Variants in MASP1 observed in about 807,000 individuals in gnomAD.
MASP1 encodes MBL associated serine protease 1, also known as mannan-binding lectin serine protease 1.
In MASP1, 59 loss-of-function variants were observed where a neutral mutation model predicts 77.1. The observed-to-expected ratio is 0.77, with a 90% confidence interval of 0.62 to 0.95. The LOEUF (loss-of-function observed/expected upper bound fraction) is 0.95. Among genes scored for constraint, MASP1 ranks in the 40% least tolerant of loss-of-function variants. MASP1 has a pLI of 0.00. For synonymous variants in MASP1, 362 were observed against 354.5 expected, an observed-to-expected ratio of 1.02 and a Z score of -0.24; for missense variants, 885 against 912.9, an observed-to-expected ratio of 0.97 and a Z score of 0.39.
intron 2 of MASP1, among the ~76,000 whole-genome samples, chr3:187,282,882 G>A (rs996529670): frequency 6.6e-6 from 1 of 152,204 alleles, no homozygotes; most frequent in Non-Finnish European, 1.5e-5. Flanking sequence ...AAAGGAACTG[G>A]AAAATTGTCC....
intron 9 of MASP1, 49 bp downstream of exon 9, chr3:187,243,435 C>A (rs904644395): frequency 1.6e-5 from 26 of 1,609,458 alleles, no homozygotes; most frequent in Non-Finnish European, 2.2e-5. Context: ...AACCCTGAGG[C>A]CCCGAGAGTG....
In MASP1 at chr3:187,235,221, A is replaced by G. The variant is rs569129087; in HGVS notation, c.*463T>C. 4.0e-5 allele frequency: 52 copies of G among 1,289,074 alleles called. No individual in the cohort carries two copies. The South Asian group carries it at 6.1e-4, about 15-fold the overall frequency. The allele number at this position is 1,289,074 out of a possible 1,614,324, so 79.9% of individuals were successfully genotyped here. A position where few individuals can be genotyped will look rare whatever the true frequency, so the allele number is the denominator to read the frequency against. The stretch of plus-strand genomic sequence containing the variant: ...AGGATTAGGCCAAGGCTAGTCCCAG[A>G]AGGCAGAGCAGGAAAATATACAGAT... On this transcript the variant is annotated 3_prime_UTR_variant, in exon 11 of 11. Coordinates refer to ENST00000296280, the MANE Select transcript of MASP1 (RefSeq NM_139125.4).
chr3:187,226,410 G>A (rs1379421335), exon 12 of MASP1: 1 of 1,605,614 alleles, frequency 6.2e-7, no homozygotes, highest in Non-Finnish European at 8.5e-7. Context: ...CACTCACCCA[G>A]GATGATTTTG....
chr3:187,228,309 G>T lies in MASP1; in HGVS notation c.1441+1451C>A, dbSNP rs986738917. Among the ~76,000 whole-genome samples the T allele has an allele frequency of 6.6e-5, 10 of 151,662 alleles. No homozygotes were observed. The East Asian group carries it at 9.7e-4, about 15-fold the overall frequency. ...TCAAAAAAAAAAAAAAAAAATCAAG[G>T]TTTAAGAAAATGAATTCATTCTTAA... is the stretch of plus-strand genomic sequence containing the variant. On this transcript the variant is annotated intron_variant, in intron 11 of 15. Coordinates refer to the MASP1 transcript ENST00000337774.
At chr3:187,261,567 C>T (rs537053181) in intron 3 of MASP1, among the ~76,000 whole-genome samples, 50 of 152,290 alleles carry the variant, frequency 3.3e-4, no homozygotes, top group African/African-American at 1.2e-3. Flanking sequence ...TAAAAATTGA[C>T]AACATCTAAT....
chr3:187,274,387 C>A (rs563088691), intron 2 of MASP1, among the ~76,000 whole-genome samples: 1 of 152,234 alleles, frequency 6.6e-6, no homozygotes, highest in South Asian at 2.1e-4. Context: ...TCCCCCAAGT[C>A]CACATAGCCT....
At chr3:187,282,994 T>C (rs1380749523) in intron 2 of MASP1, among the ~76,000 whole-genome samples, 1 of 152,212 alleles carries the variant, frequency 6.6e-6, no homozygotes, top group African/African-American at 2.4e-5. Flanking sequence ...AGGTCATCTG[T>C]CTAATTTTGG....
chr3:187,220,999 G>T, intron 15 of MASP1: 1 of 1,558,522 alleles, frequency 6.4e-7, no homozygotes, highest in Non-Finnish European at 8.9e-7. Flanking sequence ...TCCCTGGCTG[G>T]CAGCGCCCCT....
In MASP1 at chr3:187,256,367, G is replaced by T. The variant is rs56057313; in HGVS notation, c.744+297C>A. Among the ~76,000 whole-genome samples, 14,416 of 152,200 alleles carry T rather than the reference G, an allele frequency of 0.095. 928 individuals are homozygous for T. Among genetic ancestry groups the T allele is most frequent in the East Asian group, 0.27 (1,391 of 5,170 alleles). Reference sequence around the variant, plus strand: ...TTCTGTGCACAGGGCCCTGTGTGACGGCATGGGAGGCGTGCTCATGAGGCT... The same window carrying T: ...TTCTGTGCACAGGGCCCTGTGTGACTGCATGGGAGGCGTGCTCATGAGGCT... On this transcript the variant is annotated intron_variant, in intron 5 of 10. Coordinates refer to ENST00000296280, the MANE Select transcript of MASP1 (RefSeq NM_139125.4).
At chr3:187,256,927 T>C in intron 4 of MASP1, 67 bp from the exon 5 acceptor site, 1 of 1,409,508 alleles carries the variant, frequency 7.1e-7, no homozygotes. Flanking sequence ...GGCTTATCTG[T>C]TACTATATGA....
intron 2 of MASP1, among the ~76,000 whole-genome samples, chr3:187,281,890 C>T (rs1717440988): frequency 6.6e-6 from 1 of 152,294 alleles, no homozygotes; most frequent in African/African-American, 2.4e-5. Flanking sequence ...AAGGGAAAAG[C>T]TTCTCTTCCA....
chr3:187,235,172 C>A lies in MASP1; in HGVS notation c.*512G>T. On this transcript the variant is annotated 3_prime_UTR_variant, in exon 11 of 11. Coordinates refer to ENST00000296280, the MANE Select transcript of MASP1 (RefSeq NM_139125.4). The stretch of plus-strand genomic sequence containing the variant: ...CTTGGCTATGAGCCATCTCCCAAAA[C>A]CTGAATGCTCTTCTCCTAGAGGAAG... The A allele has an allele frequency of 7.8e-7, 1 of 1,287,422 alleles. No individual in the cohort carries two copies. The highest frequency in any genetic ancestry group is 1.0e-6 in the Non-Finnish European group (1 of 988,738). 79.7% of individuals were successfully genotyped at this position (1,287,422 alleles called of 1,614,324 possible).
chr3:187,279,549 C>T (rs775214437), intron 2 of MASP1, among the ~76,000 whole-genome samples: 7 of 152,206 alleles, frequency 4.6e-5, no homozygotes, highest in Non-Finnish European at 5.9e-5. Context: ...TTTGACCACA[C>T]GTATGTGATT....
chr3:187,290,324 G>T (rs1291690953), intron 1 of MASP1, among the ~76,000 whole-genome samples: 2 of 152,240 alleles, frequency 1.3e-5, no homozygotes, highest in South Asian at 2.1e-4. Flanking sequence ...AAAGAAGAAG[G>T]TTGCTCCAGG....
chr3:187,226,493 T>C (rs771978443), exon 12 of MASP1: 1 of 1,612,198 alleles, frequency 6.2e-7, no homozygotes, highest in South Asian at 1.1e-5. Context: ...GTGGAGGCAG[T>C]GTGCGGCGGT....
chr3:187,235,996 C>A lies in MASP1; in HGVS notation c.1875G>T (p.Val625=). 24 of 1,614,226 alleles carry A rather than the reference C, an allele frequency of 1.5e-5. No homozygotes were observed. The highest frequency in any genetic ancestry group is 2.0e-5 in the Non-Finnish European group (24 of 1,180,046). Reference sequence around the variant, plus strand: ...AGCTAGTTTTGCACTCAGCGTGAGGCACCACGGGTAACTTGACATACTGCA... The same window carrying A: ...AGCTAGTTTTGCACTCAGCGTGAGGAACCACGGGTAACTTGACATACTGCA... The part of the protein sequence containing the change: ...DVLQYVKLPV[V]PHAECKTSYE... The change falls in exon 11 of 11, where the codon GTG becomes GTT. Residue 625 remains valine (V), a synonymous_variant. Transcript: ENST00000296280.
chr3:187,274,028 T>C (rs550451523), intron 2 of MASP1, among the ~76,000 whole-genome samples: 1 of 152,216 alleles, frequency 6.6e-6, no homozygotes, highest in East Asian at 1.9e-4. Context: ...GCCAACATTG[T>C]GAAACCTTGT....
chr3:187,219,894 C>T (rs1236262482), exon 16 of MASP1: 2 of 677,974 alleles, frequency 2.9e-6, no homozygotes, highest in African/African-American at 3.5e-5. Flanking sequence ...CTCTCTTGCT[C>T]CATCTCTTTA....
At chr3:187,267,671 G>A (rs1382503534) in intron 2 of MASP1, among the ~76,000 whole-genome samples, 1 of 152,188 alleles carries the variant, frequency 6.6e-6, no homozygotes, top group African/African-American at 2.4e-5. Context: ...GATACTTTCA[G>A]GTGAAACCAC....
Sources: allele counts gnomAD v4.1 joint callset (sites outside exome capture counted in the v4.1 genomes callset), GRCh38; gene constraint gnomAD v4.1.1; transcripts MANE v1.5; gene names NCBI Gene and HGNC (gene_info 2026-07-23, HGNC 2026-07-21).